The following NLGN1 variants were observed in gnomAD, a reference collection of about 807,000 sequenced individuals.
NLGN1 encodes the protein neuroligin 1, also known as neuroligin-1.
NLGN1 carries 12 observed loss-of-function variants against 65.5 expected under a neutral mutation model. The ratio of observed to expected loss-of-function variants is 0.18; its 90% CI spans 0.12 to 0.30. NLGN1 has a LOEUF of 0.30. Among genes scored for constraint, NLGN1 ranks in the 10% least tolerant of loss-of-function variants. NLGN1 has a pLI of 1.00. For missense variants in NLGN1, 750 were observed against 1,007.1 expected (o/e 0.74, Z 3.46); for synonymous variants, 350 against 359.5 (o/e 0.97, Z 0.30).
At chr3:173,564,426 A>AG in intron 2 of NLGN1, among the ~76,000 whole-genome samples, 2 of 152,270 alleles carry the variant, frequency 1.3e-5, no homozygotes, top group African/African-American at 4.8e-5. Flanking sequence ...TGTGTAAAAC[A>AG]TTATGAGTCC....
At chr3:173,409,100 C>A (rs191050253) in intron 1 of NLGN1, among the ~76,000 whole-genome samples, 1 of 152,100 alleles carries the variant, frequency 6.6e-6, no homozygotes, top group East Asian at 1.9e-4. Flanking sequence ...CTGAGAAAAA[C>A]AAGAGTATGG....
intron 4 of NLGN1, among the ~76,000 whole-genome samples, chr3:173,887,365 C>T (rs900439067): frequency 1.3e-5 from 2 of 151,932 alleles, no homozygotes; most frequent in African/African-American, 2.4e-5. Context: ...TTGTAGCTAA[C>T]AACTTGATCG....
chr3:174,141,328 G>A (rs1722239303), intron 4 of NLGN1, among the ~76,000 whole-genome samples: 1 of 152,034 alleles, frequency 6.6e-6, no homozygotes, highest in South Asian at 2.1e-4. Flanking sequence ...TTGCTGAAGT[G>A]TTTCCTAATC....
chr3:174,052,930 C>T (rs1735232351), intron 4 of NLGN1, among the ~76,000 whole-genome samples: 3 of 152,004 alleles, frequency 2.0e-5, no homozygotes, highest in Admixed American at 6.6e-5. Context: ...AATGCTCCTA[C>T]AAAATAGATG....
At chr3:173,436,093 G>A (rs543217524) in intron 2 of NLGN1, among the ~76,000 whole-genome samples, 11 of 152,166 alleles carry the variant, frequency 7.2e-5, no homozygotes, top group Non-Finnish European at 1.2e-4. Flanking sequence ...TCTATAACTC[G>A]CTTTTTACAT....
chr3:173,788,673 C>T (rs1255046641), intron 3 of NLGN1, among the ~76,000 whole-genome samples: 1 of 151,630 alleles, frequency 6.6e-6, no homozygotes, highest in African/African-American at 2.4e-5. Flanking sequence ...AATCTTACTC[C>T]TGCTGGATGC....
At chr3:173,835,503 A>G (rs2150629970) in intron 4 of NLGN1, among the ~76,000 whole-genome samples, 1 of 151,978 alleles carries the variant, frequency 6.6e-6, no homozygotes, top group Non-Finnish European at 1.5e-5. Flanking sequence ...TTCATGTTTA[A>G]TAGAGATAAA....
intron 3 of NLGN1, among the ~76,000 whole-genome samples, chr3:173,653,491 G>T (rs1021437501): frequency 6.6e-6 from 1 of 152,116 alleles, no homozygotes; most frequent in African/African-American, 2.4e-5. Context: ...AATTTATTGA[G>T]ATGATCATAT....
At chr3:173,979,206 T>C (rs1308000844) in intron 4 of NLGN1, among the ~76,000 whole-genome samples, 1 of 151,866 alleles carries the variant, frequency 6.6e-6, no homozygotes, top group Non-Finnish European at 1.5e-5. Context: ...GTTAGCAAAG[T>C]AGATAACTCT....
chr3:174,140,957 T>A lies in NLGN1; in HGVS notation c.647-134358T>A, dbSNP rs189210395. Reference sequence around the variant, plus strand: ...AGAAATTTATTTTTAATCTCTATATTAAAGTATTATCATTTGTTATTTCTA... The same window carrying A: ...AGAAATTTATTTTTAATCTCTATATAAAAGTATTATCATTTGTTATTTCTA... On this transcript the variant is annotated intron_variant, in intron 4 of 6. Transcript: ENST00000457714. 5.4e-3 allele frequency among the ~76,000 whole-genome samples: 827 copies of A among 152,234 alleles called. 24 individuals carry two copies. The highest frequency in any genetic ancestry group is 0.016 in the East Asian group (82 of 5,182).
chr3:174,061,638 A>T (rs1737444176), intron 4 of NLGN1, among the ~76,000 whole-genome samples: 1 of 152,180 alleles, frequency 6.6e-6, no homozygotes, highest in Non-Finnish European at 1.5e-5. Flanking sequence ...TAGCTAATTA[A>T]CTTGCTTAAA....
At chr3:173,881,254 A>G (rs2150926891) in intron 4 of NLGN1, among the ~76,000 whole-genome samples, 1 of 149,510 alleles carries the variant, frequency 6.7e-6, no homozygotes, top group Non-Finnish European at 1.5e-5. Context: ...GCACAACACC[A>G]CCCCTGGCTA....
intron 4 of NLGN1, among the ~76,000 whole-genome samples, chr3:174,108,472 C>T (rs1019618354): frequency 5.9e-5 from 9 of 151,916 alleles, no homozygotes; most frequent in African/African-American, 1.9e-4. Context: ...ACACAGCACA[C>T]TCGCCATTGT....
intron 4 of NLGN1, among the ~76,000 whole-genome samples, chr3:173,839,109 T>TA (rs1553866298): frequency 6.6e-6 from 1 of 150,846 alleles, no homozygotes. Flanking sequence ...TTTTTTTTTT[T>TA]ACAGATTAGG....
chr3:173,743,747 C>A (rs759257555), intron 3 of NLGN1, among the ~76,000 whole-genome samples: 2 of 152,064 alleles, frequency 1.3e-5, no homozygotes. Context: ...GGGGATTGTT[C>A]AACTGACTCT....
intron 2 of NLGN1, among the ~76,000 whole-genome samples, chr3:173,480,005 T>C (rs982349261): frequency 6.6e-6 from 1 of 152,118 alleles, no homozygotes; most frequent in Non-Finnish European, 1.5e-5. Context: ...AAAGCTGGCC[T>C]GAATATGTAA....
intron 2 of NLGN1, among the ~76,000 whole-genome samples, chr3:173,505,889 C>T (rs1317669577): frequency 6.6e-6 from 1 of 152,068 alleles, no homozygotes. Context: ...CATTGCTGTA[C>T]AACACCCAAA....
chr3:173,399,911 G>T (rs1015228756), intron 1 of NLGN1: 1 of 152,118 alleles, frequency 6.6e-6, no homozygotes, highest in Non-Finnish European at 1.5e-5. Flanking sequence ...TTTGAGTGAC[G>T]TATCTCTCTG....
chr3:173,857,788 A>G (rs926745301), intron 4 of NLGN1, among the ~76,000 whole-genome samples: 1 of 135,622 alleles, frequency 7.4e-6, no homozygotes, highest in Non-Finnish European at 1.6e-5. Flanking sequence ...TAAGTGAACA[A>G]TTACTAAAAA....
Sources: gnomAD v4.1 joint callset for allele counts (sites outside exome capture counted in the v4.1 genomes callset) on GRCh38, gnomAD v4.1.1 for gene constraint, MANE v1.5 for transcripts, NCBI Gene and HGNC (gene_info 2026-07-23, HGNC 2026-07-21) for gene names.